ANK2: variants seen among roughly 807,000 people sequenced by gnomAD.
ANK2 encodes the protein ankyrin 2, also known as ankyrin-2.
Under a neutral mutation model 360.5 loss-of-function variants are expected in ANK2, and 83 were observed. The ratio of observed to expected loss-of-function variants is 0.23; its 90% CI spans 0.19 to 0.28. The LOEUF (loss-of-function observed/expected upper bound fraction) is 0.28. ANK2 is among the 10% of genes least tolerant of loss of function. ANK2 has a pLI of 1.00. For synonymous variants in ANK2, 1,740 were observed against 1,759.5 expected (o/e 0.99, Z 0.28); for missense variants, 4,201 against 4,795.7 (o/e 0.88, Z 3.66).
intron 1 of ANK2, among the ~76,000 whole-genome samples, chr4:113,156,135 T>A (rs2097279309): frequency 6.6e-6 from 1 of 152,164 alleles, no homozygotes; most frequent in Non-Finnish European, 1.5e-5. Flanking sequence ...CAGTGTTGCT[T>A]AAAATAATGA....
At chr4:112,920,357 G>C (rs1318287603) in intron 2 of ANK2, among the ~76,000 whole-genome samples, 1 of 152,192 alleles carries the variant, frequency 6.6e-6, no homozygotes, top group Non-Finnish European at 1.5e-5. Context: ...CATGACATTA[G>C]AGTGGGAAAT....
chr4:112,863,172 TTA>T (rs1454494134), intron 1 of ANK2, among the ~76,000 whole-genome samples: 1 of 152,194 alleles, frequency 6.6e-6, no homozygotes, highest in African/African-American at 2.4e-5. Flanking sequence ...TTAATTTAAG[TTA>T]TAGTCAGTGT....
intron 1 of ANK2, among the ~76,000 whole-genome samples, chr4:113,077,103 A>G (rs2080366155): frequency 6.6e-6 from 1 of 152,174 alleles, no homozygotes; most frequent in South Asian, 2.1e-4. Flanking sequence ...TATCAATAGC[A>G]AAATAAACCT....
At chr4:112,872,778 A>G (rs1359278786) in intron 1 of ANK2, among the ~76,000 whole-genome samples, 1 of 152,306 alleles carries the variant, frequency 6.6e-6, no homozygotes, top group East Asian at 1.9e-4. Flanking sequence ...GAGTTTCTCA[A>G]GAATTGGTGT....
intron 2 of ANK2, among the ~76,000 whole-genome samples, chr4:113,006,153 T>TA (rs1295645284): frequency 6.6e-6 from 1 of 152,176 alleles, no homozygotes; most frequent in Non-Finnish European, 1.5e-5. Context: ...TCAAAGTAAC[T>TA]AGAAGAAAGG....
Position 113,288,495 on chromosome 4 carries a change from C to T in ANK2, c.2277+9C>T, listed in dbSNP as rs141965666. 4,408 of 1,609,100 alleles carry T rather than the reference C, an allele frequency of 2.7e-3. 11 individuals carry two copies. The highest frequency in any genetic ancestry group is 0.016 in the Middle Eastern group (94 of 6,058). On this transcript the variant is annotated intron_variant, in intron 20 of 45. Transcript: ENST00000357077. ...TTAACGCAAAAACCAAGGTAAAGTA[C>T]TTGTGGTCATTTTCAATTCCTATAA...
chr4:113,001,598 C>T (rs2050706407), intron 2 of ANK2, among the ~76,000 whole-genome samples: 2 of 152,064 alleles, frequency 1.3e-5, no homozygotes, highest in Non-Finnish European at 2.9e-5. Context: ...GCCTTTGATT[C>T]TAGTGACCCC....
chr4:112,933,335 C>T (rs2093425382), intron 2 of ANK2, among the ~76,000 whole-genome samples: 1 of 151,954 alleles, frequency 6.6e-6, no homozygotes, highest in Non-Finnish European at 1.5e-5. Context: ...TGAAATTTTT[C>T]AAAATAAAAA....
chr4:113,189,733 C>T (rs924582570), intron 2 of ANK2, among the ~76,000 whole-genome samples: 35 of 152,202 alleles, frequency 2.3e-4, no homozygotes, highest in Non-Finnish European at 4.0e-4. Flanking sequence ...TCTTTCTTCT[C>T]AATTCCGATG....
chr4:113,087,896 G>A (rs1435011280), intron 1 of ANK2, among the ~76,000 whole-genome samples: 1 of 151,998 alleles, frequency 6.6e-6, no homozygotes, highest in Non-Finnish European at 1.5e-5. Flanking sequence ...CTTGCAACTA[G>A]GCTGAAAAGT....
chr4:113,046,161 CTTGACATTTTCTATAGAAAATG>C (rs1413452577), upstream of ANK2, among the ~76,000 whole-genome samples: 1 of 152,126 alleles, frequency 6.6e-6, no homozygotes, highest in African/African-American at 2.4e-5. Context: ...CTTATAACAT[CTTGACATTTTCTATAGAAAATG>C]TCAGAGAGAT....
At chr4:112,863,766 C>A (rs1359908107) in intron 1 of ANK2, among the ~76,000 whole-genome samples, 1 of 152,044 alleles carries the variant, frequency 6.6e-6, no homozygotes, top group Admixed American at 6.6e-5. Flanking sequence ...TCGTGATCCT[C>A]CCGCCTCGGC....
intron 4 of ANK2, among the ~76,000 whole-genome samples, chr4:113,221,852 A>G (rs1327664767): frequency 6.6e-6 from 1 of 152,260 alleles, no homozygotes; most frequent in Non-Finnish European, 1.5e-5. Context: ...AGCTGAAAGC[A>G]GGGATCATGG....
intron 1 of ANK2, chr4:112,881,883 G>A (rs1004415812): frequency 9.7e-6 from 7 of 723,740 alleles, no homozygotes; most frequent in Middle Eastern, 3.9e-4. Flanking sequence ...TCTTGAGACC[G>A]CTCTCTTTGG....
intron 2 of ANK2, among the ~76,000 whole-genome samples, chr4:113,174,946 A>G (rs1427806971): frequency 6.6e-6 from 1 of 152,224 alleles, no homozygotes; most frequent in Non-Finnish European, 1.5e-5. Flanking sequence ...TAATTTTAAA[A>G]TATGGCTCAT....
chr4:112,821,771 A>T (rs1206571357), intron 1 of ANK2, among the ~76,000 whole-genome samples: 1 of 135,408 alleles, frequency 7.4e-6, no homozygotes, highest in African/African-American at 2.8e-5. Context: ...TGAGTCATAG[A>T]TTTTTTTTTT....
intron 2 of ANK2, among the ~76,000 whole-genome samples, chr4:112,951,841 T>G (rs1284843694): frequency 3.3e-5 from 5 of 152,252 alleles, no homozygotes; most frequent in South Asian, 4.1e-4. Context: ...TATAAATAGC[T>G]AATTGATTAT....
the ANK2 span, chr4:112,738,823 C>A: frequency 1.0e-4 from 66 of 629,000 alleles, no homozygotes; most frequent in South Asian, 1.6e-4. Context: ...AGGTTCAAGG[C>A]CCAGATCTTG....
intron 2 of ANK2, among the ~76,000 whole-genome samples, chr4:113,020,534 A>T (rs181704790): frequency 6.6e-6 from 1 of 152,214 alleles, no homozygotes; most frequent in East Asian, 1.9e-4. Flanking sequence ...TCTGATCAAA[A>T]TCTACCAAAA....
Sources: gnomAD v4.1 joint callset for allele counts (sites outside exome capture counted in the v4.1 genomes callset) on GRCh38, gnomAD v4.1.1 for gene constraint, MANE v1.5 for transcripts, NCBI Gene and HGNC (gene_info 2026-07-23, HGNC 2026-07-21) for gene names.